DOK6: variants seen among roughly 807,000 people sequenced by gnomAD.
The protein encoded by DOK6 is downstream of tyrosine kinase 6.
In DOK6, 22 loss-of-function variants were observed where a neutral mutation model predicts 44.0. The ratio of observed to expected loss-of-function variants is 0.50; its 90% CI spans 0.36 to 0.71. DOK6 has a LOEUF of 0.71. DOK6 is among the 30% of genes least tolerant of loss of function. The probability of loss-of-function intolerance (pLI) is 0.00; values close to 1 mark genes in which losing one functional copy is unlikely to be tolerated. For missense variants in DOK6, 340 were observed against 416.4 expected (o/e 0.82, Z 1.60); for synonymous variants, 166 against 145.5 (o/e 1.14, Z -1.01).
intron 1 of DOK6, among the ~76,000 whole-genome samples, chr18:69,405,157 T>A (rs1347164266): frequency 6.6e-6 from 1 of 152,186 alleles, no homozygotes; most frequent in Non-Finnish European, 1.5e-5. Flanking sequence ...CCTTTCTCCC[T>A]TCTTGATTAA....
intron 2 of DOK6, among the ~76,000 whole-genome samples, chr18:69,574,670 A>C (rs1033605022): frequency 3.3e-5 from 5 of 152,244 alleles, no homozygotes; most frequent in Non-Finnish European, 7.4e-5. Flanking sequence ...AGATGAGCCC[A>C]AAAAAATTGC....
intron 3 of DOK6, among the ~76,000 whole-genome samples, chr18:69,631,458 C>T (rs538083565): frequency 5.3e-5 from 8 of 152,294 alleles, no homozygotes; most frequent in Non-Finnish European, 1.2e-4. Flanking sequence ...TGGCACCTAA[C>T]ATGAAACTCC....
In DOK6 at chr18:69,788,459, A is replaced by ATT. The variant is rs1327672326; in HGVS notation, c.856+30590_856+30591dup. On this transcript the variant is annotated intron_variant, in intron 7 of 7. Transcript: ENST00000382713. The stretch of plus-strand genomic sequence containing the variant: ...AGAAGAAATTAGAGGGTTCTGTTCC[A>ATT]TTTTTATTATGCAGAATGGAAGTTT... Among the ~76,000 whole-genome samples, 11 of 152,280 alleles carry ATT rather than the reference A, an allele frequency of 7.2e-5. No individual in the cohort carries two copies. The East Asian group carries it at 2.1e-3, about 29-fold the overall frequency.
intron 6 of DOK6, among the ~76,000 whole-genome samples, chr18:69,739,935 T>TA (rs1444562850): frequency 1.1e-4 from 16 of 152,242 alleles, no homozygotes; most frequent in African/African-American, 3.9e-4. Context: ...TTTTAGTTTT[T>TA]ATCTCTAAAA....
chr18:69,471,365 C>G (rs1980101714), intron 1 of DOK6, among the ~76,000 whole-genome samples: 1 of 147,982 alleles, frequency 6.8e-6, no homozygotes, highest in African/African-American at 2.5e-5. Context: ...AAAGTGCTTT[C>G]GGAGGTTAGG....
chr18:69,532,211 A>ATATG (rs1348171839), intron 1 of DOK6, among the ~76,000 whole-genome samples: 1 of 152,118 alleles, frequency 6.6e-6, no homozygotes, highest in African/African-American at 2.4e-5. Context: ...CTGAGCTAAG[A>ATATG]TATGCCCTCT....
At chr18:69,449,209 T>C (rs550416301) in intron 1 of DOK6, among the ~76,000 whole-genome samples, 1 of 152,354 alleles carries the variant, frequency 6.6e-6, no homozygotes, top group East Asian at 1.9e-4. Context: ...GCAAGATAAG[T>C]CTACTTTTGG....
At chr18:69,526,814 C>A (rs1981843754) in intron 1 of DOK6, among the ~76,000 whole-genome samples, 2 of 152,058 alleles carry the variant, frequency 1.3e-5, no homozygotes, top group East Asian at 3.9e-4. Flanking sequence ...GCTGAGAGAC[C>A]AAGGAAATAT....
chr18:69,445,765 A>G (rs1007240289), intron 1 of DOK6, among the ~76,000 whole-genome samples: 1 of 152,158 alleles, frequency 6.6e-6, no homozygotes, highest in Non-Finnish European at 1.5e-5. Context: ...TCATGTCTAT[A>G]ATCCCAGTGC....
intron 1 of DOK6, among the ~76,000 whole-genome samples, chr18:69,433,998 C>T (rs953537558): frequency 6.6e-6 from 1 of 152,164 alleles, no homozygotes; most frequent in African/African-American, 2.4e-5. Flanking sequence ...TTCCTGATCA[C>T]ACATGATTTT....
At position 69,841,592 on chromosome 18, in the gene DOK6, CTA is replaced by C; in HGVS notation, c.*211_*212del. On this transcript the variant is annotated 3_prime_UTR_variant, in exon 8 of 8. Transcript: ENST00000382713. ...ATTTATTGAATTTCTTTGGGGGAAT[CTA>C]TGTTTTACATAAATAGAATCCAAAT... The C allele has an allele frequency of 1.7e-6, 1 of 575,500 alleles. No individual in the cohort carries two copies. The highest frequency in any genetic ancestry group is 3.0e-5 in the East Asian group (1 of 33,820). The allele number at this position is 575,500 out of a possible 1,614,324, so 35.6% of individuals were successfully genotyped here.
chr18:69,653,857 C>CATAATGTTTCAAACATCTCT (rs140939648), intron 3 of DOK6, among the ~76,000 whole-genome samples: 34,841 of 151,492 alleles, frequency 0.23, 4,079 homozygotes, highest in Admixed American at 0.28. Flanking sequence ...ATGTTTCAAA[C>CATAATGTTTCAAACATCTCT]ATAATGTTTC....
chr18:69,666,389 C>A (rs891251445), intron 3 of DOK6, among the ~76,000 whole-genome samples: 1 of 152,170 alleles, frequency 6.6e-6, no homozygotes, highest in Non-Finnish European at 1.5e-5. Context: ...AAGACAGTGA[C>A]ACATAGCATC....
intron 1 of DOK6, among the ~76,000 whole-genome samples, chr18:69,549,240 AT>A: frequency 6.6e-6 from 1 of 151,402 alleles, no homozygotes; most frequent in Non-Finnish European, 1.5e-5. Flanking sequence ...AATGCATGAA[AT>A]TTTTTTTAGA....
At chr18:69,809,670 G>T (rs1981163293) in intron 7 of DOK6, among the ~76,000 whole-genome samples, 1 of 150,990 alleles carries the variant, frequency 6.6e-6, no homozygotes, top group Non-Finnish European at 1.5e-5. Flanking sequence ...AAAATCAAAA[G>T]TCAGTAGTGT....
chr18:69,665,516 T>A (rs1985634039), intron 3 of DOK6, among the ~76,000 whole-genome samples: 1 of 152,212 alleles, frequency 6.6e-6, no homozygotes, highest in Non-Finnish European at 1.5e-5. Flanking sequence ...TCCATTGTTA[T>A]CTGAAGTGAT....
At position 69,841,357 on chromosome 18, in the gene DOK6, A is replaced by G; in HGVS notation, c.970A>G (p.Ser324Gly). The part of the protein sequence containing the change: ...PLSRSSSYGF[S>G]YSSSLIQ Reference sequence around the variant, plus strand: ...GTCGCGGTCCAGCAGCTATGGATTCAGCTACAGCTCCAGCCTCATCCAATG... The same window carrying G: ...GTCGCGGTCCAGCAGCTATGGATTCGGCTACAGCTCCAGCCTCATCCAATG... Residue 324 changes from serine (S) to glycine (G), a missense_variant, in exon 8 of 8, where the codon AGC becomes GGC. By Grantham distance (56) the Ser-to-Gly change is moderately conservative. This residue lies in a region of DOK6 where 112 missense variants were observed against 109.3 expected (regional missense o/e 1.02). Transcript: ENST00000382713. The G allele has an allele frequency of 6.2e-7, 1 of 1,614,170 alleles. No individual in the cohort carries two copies. Among genetic ancestry groups the G allele is most frequent in the Non-Finnish European group, 8.5e-7 (1 of 1,180,022 alleles).
intron 1 of DOK6, among the ~76,000 whole-genome samples, chr18:69,470,821 T>A (rs1284211182): frequency 6.6e-6 from 1 of 152,226 alleles, no homozygotes; most frequent in Non-Finnish European, 1.5e-5. Flanking sequence ...CATGTGGTTG[T>A]TGACTTTGAC....
chr18:69,809,095 A>C (rs760523172), intron 7 of DOK6, among the ~76,000 whole-genome samples: 76 of 152,064 alleles, frequency 5.0e-4, no homozygotes, highest in Non-Finnish European at 7.7e-4. Context: ...CACCATGATC[A>C]AGTGGGATTT....
Sources: allele counts gnomAD v4.1 joint callset (sites outside exome capture counted in the v4.1 genomes callset), GRCh38; gene constraint gnomAD v4.1.1; regional missense constraint gnomAD v4.1.1; transcripts MANE v1.5; gene names NCBI Gene and HGNC (gene_info 2026-07-23, HGNC 2026-07-21).